Variants in C9orf153 observed in about 807,000 individuals in gnomAD.
C9orf153 encodes chromosome 9 open reading frame 153, also known as uncharacterized protein C9orf153.
In C9orf153, 10 loss-of-function variants were observed where a neutral mutation model predicts 9.0. The ratio of observed to expected loss-of-function variants is 1.11; its 90% CI spans 0.69 to 1.89. The LOEUF (loss-of-function observed/expected upper bound fraction) is 1.89, where lower values mean the gene tolerates loss of function less well. C9orf153 is among the 40% of genes most tolerant of loss of function. C9orf153 has a pLI of 0.00. For missense variants in C9orf153, 108 were observed against 111.0 expected, an observed-to-expected ratio of 0.97 and a Z score of 0.12; for synonymous variants, 35 against 37.3, an observed-to-expected ratio of 0.94 and a Z score of 0.23.
At chr9:86,254,040 G>A (rs533822933) in intron 1 of C9orf153, among the ~76,000 whole-genome samples, 11 of 147,034 alleles carry the variant, frequency 7.5e-5, no homozygotes, top group African/African-American at 2.8e-4. Context: ...GCAGTGAGCC[G>A]AGATTGCGCC....
At chr9:86,252,959 T>C (rs774670665) in intron 1 of C9orf153, among the ~76,000 whole-genome samples, 2 of 151,896 alleles carry the variant, frequency 1.3e-5, no homozygotes, top group African/African-American at 2.4e-5. Flanking sequence ...ACATTGCTGA[T>C]GCTTTTTAGG....
chr9:86,236,666 A>G (rs1431380190), intron 1 of C9orf153, among the ~76,000 whole-genome samples: 1 of 152,100 alleles, frequency 6.6e-6, no homozygotes, highest in African/African-American at 2.4e-5. Context: ...AGTTCTTCAG[A>G]GAGAAGGATA....
chr9:86,250,090 G>C (rs1824962492), intron 1 of C9orf153, among the ~76,000 whole-genome samples: 1 of 152,200 alleles, frequency 6.6e-6, no homozygotes, highest in African/African-American at 2.4e-5. Flanking sequence ...CAGGCTTGAA[G>C]AATGTACAAT....
chr9:86,233,082 C>T (rs1351473081), intron 1 of C9orf153, among the ~76,000 whole-genome samples: 2 of 152,124 alleles, frequency 1.3e-5, no homozygotes, highest in East Asian at 1.9e-4. Context: ...CCTCCCTTCC[C>T]TTCCAACAAC....
At chr9:86,229,931 A>G (rs907406765) in intron 1 of C9orf153, among the ~76,000 whole-genome samples, 4 of 152,122 alleles carry the variant, frequency 2.6e-5, no homozygotes, top group Non-Finnish European at 5.9e-5. Flanking sequence ...CACGTCTTAC[A>G]TGGCCAGGAC....
intron 1 of C9orf153, among the ~76,000 whole-genome samples, chr9:86,234,081 C>A (rs1027153391): frequency 1.3e-5 from 2 of 149,630 alleles, no homozygotes; most frequent in Admixed American, 6.7e-5. Context: ...GACTCTGTCT[C>A]AAAAAAAAAT....
At chr9:86,225,456 C>G (rs1824307081) in intron 3 of C9orf153, among the ~76,000 whole-genome samples, 1 of 136,840 alleles carries the variant, frequency 7.3e-6, no homozygotes, top group African/African-American at 2.8e-5. Flanking sequence ...CTCTCTTTCT[C>G]TCTTTCTTTC....
At chr9:86,258,200 G>T (rs1317578087) in intron 1 of C9orf153, among the ~76,000 whole-genome samples, 1 of 151,960 alleles carries the variant, frequency 6.6e-6, no homozygotes, top group Non-Finnish European at 1.5e-5. Flanking sequence ...AAATTAGCTG[G>T]GCATGGTGGT....
chr9:86,237,111 A>G (rs558694465), intron 1 of C9orf153, among the ~76,000 whole-genome samples: 1 of 152,248 alleles, frequency 6.6e-6, no homozygotes, highest in East Asian at 1.9e-4. Flanking sequence ...GTAATTTGAA[A>G]GTGGTCTTGG....
At position 86,220,923 on chromosome 9, in the gene C9orf153, C is replaced by T. The variant is rs1355986881; in HGVS notation, c.*765G>A. On this transcript the variant is annotated 3_prime_UTR_variant, in exon 4 of 4. Coordinates refer to ENST00000339137, the MANE Select transcript of C9orf153 (RefSeq NM_001276366.4). ...AATGCTGTCTTCCAACTTGTTAGCC[C>T]TCTCTCTTCAGATATATCCAGGCTA... The T allele has an allele frequency of 6.6e-6, 1 of 152,080 alleles. No homozygotes were observed. The highest frequency in any genetic ancestry group is 2.4e-5 in the African/African-American group (1 of 41,416). The allele number at this position is 152,080 out of a possible 1,614,324, so 9.4% of individuals were successfully genotyped here.
chr9:86,223,571 T>C (rs1426666145), intron 3 of C9orf153, among the ~76,000 whole-genome samples: 3 of 152,166 alleles, frequency 2.0e-5, no homozygotes, highest in Admixed American at 1.3e-4. Flanking sequence ...TCCTCTGCTA[T>C]AGAGGGGGGA....
Position 86,236,942 on chromosome 9 carries a change from A to T in C9orf153, c.-26-7313T>A, listed in dbSNP as rs1018463250. Among the ~76,000 whole-genome samples the T allele has an allele frequency of 1.3e-4, 19 of 150,978 alleles. No homozygotes were observed. The South Asian group carries it at 2.3e-3, about 18-fold the overall frequency. On this transcript the variant is annotated intron_variant, in intron 1 of 3. Transcript: ENST00000339137. ...ATTGGGAGACCCCGTCTCTAAATAA[A>T]AAAAAAAAAAAAAACAAAATATAAT...
At chr9:86,233,437 GAC>G (rs553458088) in intron 1 of C9orf153, among the ~76,000 whole-genome samples, 151 of 151,872 alleles carry the variant, frequency 9.9e-4, no homozygotes, top group African/African-American at 3.5e-3. Context: ...TCTTTTTTGA[GAC>G]AGAGTCTGGT....
intron 3 of C9orf153, chr9:86,227,377 G>T: frequency 6.5e-7 from 1 of 1,529,804 alleles, no homozygotes; most frequent in African/African-American, 1.4e-5. Flanking sequence ...TGTTTTCCAG[G>T]CTTGTTCATT....
At chr9:86,236,495 G>A (rs149116120) in intron 1 of C9orf153, among the ~76,000 whole-genome samples, 135 of 147,904 alleles carry the variant, frequency 9.1e-4, no homozygotes, top group African/African-American at 3.1e-3. Context: ...GTTGCAGTGA[G>A]CCGATATCAC....
intron 3 of C9orf153, among the ~76,000 whole-genome samples, chr9:86,223,968 T>C (rs1048050256): frequency 6.6e-6 from 1 of 152,098 alleles, no homozygotes; most frequent in Non-Finnish European, 1.5e-5. Context: ...AGAGTTATAA[T>C]TAGAAGCCCT....
At chr9:86,244,314 TC>T (rs1824818033) in intron 1 of C9orf153, among the ~76,000 whole-genome samples, 1 of 152,190 alleles carries the variant, frequency 6.6e-6, no homozygotes, top group Non-Finnish European at 1.5e-5. Context: ...CCTCACATGA[TC>T]CTCCCACCTC....
intron 3 of C9orf153, among the ~76,000 whole-genome samples, 175 bp from the exon 4 acceptor site, chr9:86,221,908 G>C (rs911577428): frequency 6.6e-6 from 1 of 151,546 alleles, no homozygotes; most frequent in East Asian, 1.9e-4. Context: ...ATTTTGAGAC[G>C]GAGTTTTGCT....
At chr9:86,227,330 T>A in intron 3 of C9orf153, 1 of 1,480,758 alleles carries the variant, frequency 6.8e-7, no homozygotes, top group South Asian at 1.4e-5. Flanking sequence ...TTTATTTATT[T>A]ATTTATTTAT....
Sources: gnomAD v4.1 joint callset for allele counts (sites outside exome capture counted in the v4.1 genomes callset) on GRCh38, gnomAD v4.1.1 for gene constraint, MANE v1.5 for transcripts, NCBI Gene and HGNC (gene_info 2026-07-23, HGNC 2026-07-21) for gene names.